The following EEFSEC variants were observed in gnomAD, a reference collection of about 807,000 sequenced individuals.
EEFSEC encodes the protein selenocysteine-specific elongation factor.
EEFSEC carries 43 observed loss-of-function variants against 42.1 expected under a neutral mutation model. That is an observed-to-expected ratio of 1.02 (90% CI 0.80 to 1.32). The LOEUF (loss-of-function observed/expected upper bound fraction) is 1.32, where lower values mean the gene tolerates loss of function less well. Among genes scored for constraint, EEFSEC ranks in the 40% most tolerant of loss-of-function variants. EEFSEC has a pLI of 0.00. For missense variants in EEFSEC, 745 were observed against 803.6 expected, an observed-to-expected ratio of 0.93 and a Z score of 0.88; for synonymous variants, 354 against 339.1, an observed-to-expected ratio of 1.04 and a Z score of -0.48.
chr3:128,347,405 TG>T (rs2067325438), intron 5 of EEFSEC, among the ~76,000 whole-genome samples: 1 of 152,096 alleles, frequency 6.6e-6, no homozygotes, highest in African/African-American at 2.4e-5. Flanking sequence ...CTAGAGCATA[TG>T]GTGATAAGGG....
intron 4 of EEFSEC, among the ~76,000 whole-genome samples, chr3:128,292,476 T>G (rs2066654266): frequency 6.6e-6 from 1 of 151,656 alleles, no homozygotes; most frequent in Admixed American, 6.6e-5. Flanking sequence ...GTCTTTTAAT[T>G]ATGTATTTAA....
intron 1 of EEFSEC, among the ~76,000 whole-genome samples, chr3:128,190,645 T>C (rs1177789336): frequency 1.3e-5 from 2 of 152,196 alleles, no homozygotes; most frequent in South Asian, 2.1e-4. Context: ...TAAGTGTCCA[T>C]TGTTTGTAGA....
chr3:128,374,530 C>A (rs1289304072), intron 6 of EEFSEC, among the ~76,000 whole-genome samples: 3 of 152,040 alleles, frequency 2.0e-5, no homozygotes, highest in Non-Finnish European at 2.9e-5. Flanking sequence ...TGGGGGAGAC[C>A]TAGGGGGCTT....
At chr3:128,381,960 T>A (rs1395832478) in intron 6 of EEFSEC, among the ~76,000 whole-genome samples, 1 of 152,090 alleles carries the variant, frequency 6.6e-6, no homozygotes, top group Non-Finnish European at 1.5e-5. Context: ...ACAAGTACGC[T>A]GGGCCACGTG....
chr3:128,338,370 G>A (rs554000683), intron 4 of EEFSEC, among the ~76,000 whole-genome samples: 1 of 152,134 alleles, frequency 6.6e-6, no homozygotes, highest in Non-Finnish European at 1.5e-5. Flanking sequence ...GTTCAGGGGC[G>A]GAAAGGGCAA....
chr3:128,280,399 C>T (rs966713164), intron 4 of EEFSEC, among the ~76,000 whole-genome samples: 21 of 152,262 alleles, frequency 1.4e-4, no homozygotes, highest in African/African-American at 4.8e-4. Context: ...TTTGTTCTGT[C>T]CTTCCCTGTT....
intron 4 of EEFSEC, among the ~76,000 whole-genome samples, chr3:128,300,541 GA>G (rs35286505): frequency 0.016 from 1,387 of 85,728 alleles, 22 homozygotes; most frequent in African/African-American, 0.043. Flanking sequence ...GACTCTGTCT[GA>G]AAAAAAAAAA....
At chr3:128,399,411 C>A (rs945868662) in intron 6 of EEFSEC, among the ~76,000 whole-genome samples, 35 of 152,374 alleles carry the variant, frequency 2.3e-4, no homozygotes, top group African/African-American at 7.2e-4. Flanking sequence ...TCGGAAAGAG[C>A]GAGGCTCCTG....
chr3:128,188,551 A>G (rs1391936938), intron 1 of EEFSEC, among the ~76,000 whole-genome samples: 2 of 152,212 alleles, frequency 1.3e-5, no homozygotes, highest in African/African-American at 4.8e-5. Flanking sequence ...TGGTGAAAGT[A>G]TCTGCCTTGC....
intron 4 of EEFSEC, among the ~76,000 whole-genome samples, chr3:128,325,575 A>G (rs2067055372): frequency 6.6e-6 from 1 of 152,196 alleles, no homozygotes; most frequent in Non-Finnish European, 1.5e-5. Context: ...AGCCAGGCAC[A>G]ACACCGAGCT....
At chr3:128,273,856 G>C (rs982858963) in intron 4 of EEFSEC, among the ~76,000 whole-genome samples, 1 of 152,204 alleles carries the variant, frequency 6.6e-6, no homozygotes, top group Admixed American at 6.5e-5. Flanking sequence ...CACTGCTGAG[G>C]TGGGCCCCCT....
At chr3:128,388,168 C>T (rs1412906389) in intron 6 of EEFSEC, among the ~76,000 whole-genome samples, 1 of 152,212 alleles carries the variant, frequency 6.6e-6, no homozygotes, top group Non-Finnish European at 1.5e-5. Context: ...CCATTGCTCC[C>T]GCTCTTAGAG....
At chr3:128,172,840 C>T (rs1576516908) in intron 1 of EEFSEC, among the ~76,000 whole-genome samples, 1 of 152,176 alleles carries the variant, frequency 6.6e-6, no homozygotes, top group African/African-American at 2.4e-5. Flanking sequence ...GCTGCCGCCT[C>T]GATCCTCTGA....
chr3:128,247,688 A>G (rs2107900337), intron 2 of EEFSEC, among the ~76,000 whole-genome samples: 1 of 152,274 alleles, frequency 6.6e-6, no homozygotes, highest in East Asian at 1.9e-4. Flanking sequence ...GTTATTAAGG[A>G]ATTTTATGCA....
intron 1 of EEFSEC, among the ~76,000 whole-genome samples, chr3:128,156,572 G>A (rs1374504252): frequency 6.6e-6 from 1 of 152,142 alleles, no homozygotes; most frequent in Non-Finnish European, 1.5e-5. Context: ...TGCCACATTT[G>A]GGTTATTCTT....
chr3:128,384,895 C>T (rs1365361791), intron 6 of EEFSEC, among the ~76,000 whole-genome samples: 5 of 152,146 alleles, frequency 3.3e-5, no homozygotes, highest in Non-Finnish European at 5.9e-5. Context: ...CCAGGTTGCC[C>T]GCACAAAAGC....
chr3:128,210,650 T>C (rs1168651753), intron 1 of EEFSEC, among the ~76,000 whole-genome samples: 1 of 152,232 alleles, frequency 6.6e-6, no homozygotes, highest in Non-Finnish European at 1.5e-5. Context: ...CAATTACATC[T>C]CTGAATTTTT....
rs961352718 is a variant in EEFSEC at position 128,317,985 on chromosome 3, G to C, written c.787-23248G>C. Among the ~76,000 whole-genome samples the C allele has an allele frequency of 7.2e-5, 11 of 152,348 alleles. No individual in the cohort carries two copies. The East Asian group carries it at 2.1e-3, about 29-fold the overall frequency. ...TGGGAACTGGTTGTTAGGTGACTGT[G>C]CACTCCAGGCAGAGGCAGGATGGAG... On this transcript the variant is annotated intron_variant, in intron 4 of 6. Coordinates refer to ENST00000254730, the MANE Select transcript of EEFSEC (RefSeq NM_021937.5). This position sits in a 1 kb window ranked among gnomAD's most constrained non-coding sequence, Gnocchi z 4.1.
chr3:128,212,243 G>A (rs1476429572), intron 1 of EEFSEC, among the ~76,000 whole-genome samples: 1 of 152,216 alleles, frequency 6.6e-6, no homozygotes, highest in Non-Finnish European at 1.5e-5. Context: ...TTTGGAGGCT[G>A]TGGGAGCCCC....
Sources: allele counts gnomAD v4.1 joint callset (sites outside exome capture counted in the v4.1 genomes callset), GRCh38; gene constraint gnomAD v4.1.1; non-coding constraint Gnocchi (gnomAD v3.1); transcripts MANE v1.5; gene names NCBI Gene and HGNC (gene_info 2026-07-23, HGNC 2026-07-21).